Variants in USH2A observed in about 807,000 individuals in gnomAD.
USH2A encodes the protein Usher syndrome 2A (autosomal recessive, mild).
A neutral mutation model predicts 538.9 loss-of-function variants in USH2A; 443 were observed. The ratio of observed to expected loss-of-function variants is 0.82; its 90% CI spans 0.76 to 0.89. The LOEUF is 0.89. Among genes scored for constraint, USH2A ranks in the 40% least tolerant of loss-of-function variants. The pLI is 0.00. For missense variants in USH2A, 6,633 were observed against 6,324.8 expected, an observed-to-expected ratio of 1.05 and a Z score of -1.65; for synonymous variants, 2,413 against 2,273.5, an observed-to-expected ratio of 1.06 and a Z score of -1.75.
intron 50 of USH2A, among the ~76,000 whole-genome samples, chr1:215,793,682 C>T (rs1357965166): frequency 6.6e-6 from 1 of 152,134 alleles, no homozygotes; most frequent in Non-Finnish European, 1.5e-5. Flanking sequence ...TCCCAAATTC[C>T]CATCTTATGA....
chr1:216,334,089 A>G (rs974664917), intron 4 of USH2A, among the ~76,000 whole-genome samples: 1 of 152,088 alleles, frequency 6.6e-6, no homozygotes, highest in Admixed American at 6.6e-5. Flanking sequence ...TTTTACTGTA[A>G]TTCTTTTTCT....
intron 64 of USH2A, among the ~76,000 whole-genome samples, chr1:215,668,653 C>T (rs369088469): frequency 5.9e-5 from 9 of 152,256 alleles, no homozygotes; most frequent in East Asian, 5.8e-4. Flanking sequence ...AAATGTGGGT[C>T]CCTTTGTTCT....
At chr1:215,786,028 T>A (rs922567703) in intron 52 of USH2A, among the ~76,000 whole-genome samples, 1 of 151,612 alleles carries the variant, frequency 6.6e-6, no homozygotes, top group Non-Finnish European at 1.5e-5. Flanking sequence ...AATGGATGAA[T>A]AACACAAATT....
chr1:215,863,141 A>T (rs898463824), intron 44 of USH2A, among the ~76,000 whole-genome samples: 1 of 152,186 alleles, frequency 6.6e-6, no homozygotes, highest in Non-Finnish European at 1.5e-5. Flanking sequence ...ACAGTGCTGG[A>T]TACAAGAGGA....
chr1:215,711,171 A>G (rs1659328982), intron 61 of USH2A, among the ~76,000 whole-genome samples: 1 of 152,230 alleles, frequency 6.6e-6, no homozygotes, highest in Admixed American at 6.5e-5. Context: ...ATATATTTCA[A>G]CTGAATTTTA....
intron 32 of USH2A, among the ~76,000 whole-genome samples, chr1:216,015,415 A>G (rs1668684364): frequency 6.6e-6 from 1 of 152,172 alleles, no homozygotes; most frequent in Non-Finnish European, 1.5e-5. Context: ...TGACCTTATA[A>G]TTAATAAAAA....
At chr1:216,199,464 A>G (rs2034930528) in intron 17 of USH2A, among the ~76,000 whole-genome samples, 163 bp downstream of exon 17, 6 of 152,236 alleles carry the variant, frequency 3.9e-5, no homozygotes, top group Admixed American at 3.9e-4. Context: ...TTGTTCCACT[A>G]ACCAGGACAA....
At chr1:215,912,503 ATATATATACGTG>A (rs1288111332) in intron 38 of USH2A, among the ~76,000 whole-genome samples, 7 of 23,500 alleles carry the variant, frequency 3.0e-4, no homozygotes, top group African/African-American at 1.1e-3. Context: ...GTATATATAT[ATATATATACGTG>A]TATATATATA....
rs766634141 is a variant in USH2A at position 215,838,107 on chromosome 1, C to CA, written c.9259-5dup. 6.2e-7 allele frequency: 1 copy of CA among 1,610,868 alleles called. No homozygotes were observed. The highest frequency in any genetic ancestry group is 1.1e-5 in the South Asian group (1 of 91,032). ...CATATATTGTGCAGACTTCAACCTG[C>CA]AAACATTAGTTTAGAAAAAATAAAT... On this transcript the variant is annotated splice_polypyrimidine_tract_variant and splice_region_variant and intron_variant, in intron 46 of 71. Transcript: ENST00000307340.
intron 55 of USH2A, among the ~76,000 whole-genome samples, chr1:215,769,386 A>G (rs1424525883): frequency 2.0e-5 from 3 of 152,216 alleles, no homozygotes; most frequent in Non-Finnish European, 2.9e-5. Context: ...AAGGTTGATT[A>G]GAGGATTAAG....
intron 13 of USH2A, among the ~76,000 whole-genome samples, chr1:216,236,960 T>C (rs138773150): frequency 9.2e-5 from 14 of 152,234 alleles, no homozygotes; most frequent in African/African-American, 3.4e-4. Flanking sequence ...TAACAACAAA[T>C]AACCCAAATA....
intron 61 of USH2A, among the ~76,000 whole-genome samples, chr1:215,695,768 T>TG (rs1658787418): frequency 2.7e-5 from 4 of 146,798 alleles, no homozygotes; most frequent in East Asian, 2.0e-4. Flanking sequence ...TTTGTTTGTT[T>TG]TTTGAGACAG....
intron 9 of USH2A, among the ~76,000 whole-genome samples, chr1:216,296,105 G>T (rs372692340): frequency 6.6e-5 from 10 of 151,914 alleles, no homozygotes; most frequent in African/African-American, 2.4e-4. Context: ...AACAAAGTGA[G>T]TTTTTTCTAC....
intron 32 of USH2A, among the ~76,000 whole-genome samples, chr1:216,030,312 T>C (rs11811560): frequency 0.46 from 60,365 of 132,506 alleles, 14,235 homozygotes; most frequent in East Asian, 0.7. Context: ...TATAGATATA[T>C]ATCACAGATA....
chr1:216,414,607 T>C (rs1449737923), intron 3 of USH2A, among the ~76,000 whole-genome samples: 4 of 152,128 alleles, frequency 2.6e-5, no homozygotes, highest in African/African-American at 9.7e-5. Flanking sequence ...AGTTGAGATC[T>C]GCTAATTAAT....
chr1:216,417,687 A>C (rs1213107639), intron 3 of USH2A, among the ~76,000 whole-genome samples: 1 of 152,060 alleles, frequency 6.6e-6, no homozygotes, highest in African/African-American at 2.4e-5. Context: ...CGTGATTGTA[A>C]GTTTTCTAAG....
In USH2A at chr1:215,674,866, T is replaced by C. The variant is rs1657951724; in HGVS notation, c.13045A>G (p.Ile4349Val). ...GATGGAGCAGCCTCCAGAGTTGTGA[T>C]GCTGGTGGGTTTGCTGGTGGAGCAT... ...GGCSTSKPTSITTLEAAPSEV... is the reference protein window; with the variant it reads ...GGCSTSKPTSVTTLEAAPSEV... The change falls in exon 63 of 72, where the codon ATC becomes GTC. Residue 4349 changes from isoleucine to valine, a missense_variant. Transcript: ENST00000307340. 6.2e-7 allele frequency: 1 copy of C among 1,614,178 alleles called. No individual in the cohort carries two copies. Among genetic ancestry groups the C allele is most frequent in the African/African-American group, 1.3e-5 (1 of 75,048 alleles).
intron 65 of USH2A, among the ~76,000 whole-genome samples, chr1:215,649,098 A>G (rs1233468615): frequency 6.6e-6 from 1 of 152,234 alleles, no homozygotes; most frequent in Non-Finnish European, 1.5e-5. Flanking sequence ...ATCAAAGTCT[A>G]TGACCCTCAG....
rs375953817 is a variant in USH2A at position 215,687,489 on chromosome 1, T to C, written c.12067-7113A>G. Among the ~76,000 whole-genome samples the C allele has an allele frequency of 1.1e-4, 17 of 152,138 alleles. No homozygotes were observed. In the East Asian group the frequency reaches 2.7e-3, roughly 24 times the overall value. On this transcript the variant is annotated intron_variant, in intron 61 of 71. Coordinates refer to ENST00000307340, the MANE Select transcript of USH2A (RefSeq NM_206933.4). ...ACAAATTGGCTGTATCAATTTAACCTATAAAGCAAAAGCTAGAGTTATTGC... is the reference window on the plus strand; with the variant it reads ...ACAAATTGGCTGTATCAATTTAACCCATAAAGCAAAAGCTAGAGTTATTGC...
Sources: allele counts gnomAD v4.1 joint callset (sites outside exome capture counted in the v4.1 genomes callset), GRCh38; gene constraint gnomAD v4.1.1; transcripts MANE v1.5; gene names NCBI Gene and HGNC (gene_info 2026-07-23, HGNC 2026-07-21).